The following PCARE variants were observed in gnomAD, a reference collection of about 807,000 sequenced individuals.
The protein encoded by PCARE is photoreceptor cilium actin regulator, also known as uncharacterized protein C2orf71.
A neutral mutation model predicts 82.2 loss-of-function variants in PCARE; 72 were observed. That is an observed-to-expected ratio of 0.88 (90% CI 0.72 to 1.07). The LOEUF (loss-of-function observed/expected upper bound fraction) is 1.07, where lower values mean the gene tolerates loss of function less well. Ranked by LOEUF, PCARE falls within the 50% of genes least tolerant of loss-of-function variation. The pLI, the probability that PCARE is intolerant of heterozygous loss-of-function variation, is 0.00. For missense variants in PCARE, 1,768 were observed against 1,592.4 expected (o/e 1.11, Z -1.88); for synonymous variants, 705 against 634.8 (o/e 1.11, Z -1.66).
In PCARE at chr2:29,072,357, C is replaced by T. The variant is rs763971542; in HGVS notation, c.1905G>A (p.Gly635=). 2 of 1,614,066 alleles carry T rather than the reference C, an allele frequency of 1.2e-6. No homozygotes were observed. The highest frequency in any genetic ancestry group is 1.1e-5 in the South Asian group (1 of 91,074). The change falls in exon 1 of 2, where the codon GGG becomes GGA. Residue 635 remains glycine, a synonymous_variant. Coordinates refer to ENST00000331664, the MANE Select transcript of PCARE (RefSeq NM_001029883.3). ...AFYALGAKGQ[G]QSQEQILQPR... is the part of the protein sequence containing the mutation. ...GCTGCAGAATTTGCTCCTGGCTCTG[C>T]CCCTGCCCTTTGGCACCCAGGGCAT...
At position 29,072,313 on chromosome 2, in the gene PCARE, C is replaced by T. The variant is rs371289954; in HGVS notation, c.1949G>A (p.Trp650Ter). The T allele has an allele frequency of 9.3e-6, 15 of 1,614,066 alleles. No individual in the cohort carries two copies. The highest frequency in any genetic ancestry group is 8.0e-5 in the African/African-American group (6 of 74,942). ...ACTGACCCTGCAGGTGCCATTGGGC[C>T]ACACGGCGGCTGCTCTGGGCTGCAG... Reference protein sequence around the residue: ...QILQPRAAAVWPNGTCRVSPS... With the variant: ...QILQPRAAAV Residue 650 changes from tryptophan to a stop codon, truncating the protein, a stop_gained, in exon 1 of 2, where the codon TGG becomes TAG. Transcript: ENST00000331664. LOFTEE classifies it high-confidence loss of function.
Position 29,072,829 on chromosome 2 carries a change from G to A in PCARE, c.1433C>T (p.Ala478Val). The A allele has an allele frequency of 6.2e-7, 1 of 1,614,166 alleles. No individual in the cohort carries two copies. The highest frequency in any genetic ancestry group is 8.5e-7 in the Non-Finnish European group (1 of 1,180,018). The change falls in exon 1 of 2, where the codon GCT becomes GTT. Residue 478 changes from alanine (A) to valine (V), a missense_variant. Transcript: ENST00000331664. ...GTCCTCGCTGTCACTAAGAGATGAAGCGTCCATCGGCCTGGAGGTTTTGGA... is the reference window on the plus strand; with the variant it reads ...GTCCTCGCTGTCACTAAGAGATGAAACGTCCATCGGCCTGGAGGTTTTGGA... ...HLSKTSRPMDASSLSDSEDSS... is the reference protein window; with the variant it reads ...HLSKTSRPMDVSSLSDSEDSS...
rs755674227 is a variant in PCARE, at chr2:29,071,721, C to T, written c.2541G>A (p.Glu847=). 36 of 1,613,906 alleles carry T rather than the reference C, an allele frequency of 2.2e-5. No homozygotes were observed. In the African/African-American group the frequency reaches 4.3e-4, roughly 19 times the overall value. Reference sequence around the variant, plus strand: ...CTGTGGACTTGCTGCTTTCTGGGGACTCCAGAGAAGCGAATGATTTGTCCA... The same window carrying T: ...CTGTGGACTTGCTGCTTTCTGGGGATTCCAGAGAAGCGAATGATTTGTCCA... ...VLMDKSFASL[E]SPESSKSTEN... is the part of the protein sequence containing the mutation. The change falls in exon 1 of 2, where the codon GAG becomes GAA. Residue 847 remains glutamate, a synonymous_variant. Coordinates refer to ENST00000331664, the MANE Select transcript of PCARE (RefSeq NM_001029883.3).
In PCARE at chr2:29,073,981, G is replaced by A. The variant is rs555955923; in HGVS notation, c.281C>T (p.Pro94Leu). 1 of 1,614,196 alleles carries A rather than the reference G, an allele frequency of 6.2e-7. No individual in the cohort carries two copies. The highest frequency in any genetic ancestry group is 1.3e-5 in the African/African-American group (1 of 75,050). The part of the protein sequence containing the change: ...GKRKDMEGLI[P>L]GTKTSSSQLN... ...CTGGGATGAAGAGGTTTTGGTTCCT[G>A]GGATCAGTCCTTCCATATCTTTCCT... Residue 94 changes from proline to leucine, a missense_variant, in exon 1 of 2, where the codon CCA (proline) becomes CTA (leucine). Pro to Leu is a moderately conservative substitution (Grantham distance 98). Coordinates refer to ENST00000331664, the MANE Select transcript of PCARE (RefSeq NM_001029883.3).
In PCARE at chr2:29,070,928, T is replaced by G. The variant is rs769396261; in HGVS notation, c.3334A>C (p.Ile1112Leu). 1.2e-6 allele frequency: 2 copies of G among 1,613,600 alleles called. No homozygotes were observed. Among genetic ancestry groups the G allele is most frequent in the South Asian group, 2.2e-5 (2 of 91,068 alleles). ...TGTGTGTTCCCAGACACTTTGGCTA[T>G]GACTGCTTGGCTGTCTTCAGAGTCT... ...TRDSEDSQAV[I>L]AKVSGNTHSI... The change falls in exon 1 of 2, where the codon ATA (isoleucine) becomes CTA (leucine). Residue 1112 changes from isoleucine to leucine, a missense_variant. Coordinates refer to ENST00000331664, the MANE Select transcript of PCARE (RefSeq NM_001029883.3).
chr2:29,073,650 G>C lies in PCARE; in HGVS notation c.612C>G (p.Ile204Met), dbSNP rs1280831225. The C allele has an allele frequency of 6.2e-7, 1 of 1,614,086 alleles. No homozygotes were observed. Among genetic ancestry groups the C allele is most frequent in the Non-Finnish European group, 8.5e-7 (1 of 1,180,044 alleles). ...SLSKYEAILCIIHQATQTREL... is the reference protein window; with the variant it reads ...SLSKYEAILCMIHQATQTREL... ...CCCGGGTCTGGGTGGCCTGATGGATGATGCACAGAATTGCTTCATATTTGG... is the reference window on the plus strand; with the variant it reads ...CCCGGGTCTGGGTGGCCTGATGGATCATGCACAGAATTGCTTCATATTTGG... The change falls in exon 1 of 2, where the codon ATC (isoleucine) becomes ATG (methionine). Residue 204 changes from isoleucine to methionine, a missense_variant. Transcript: ENST00000331664.
At position 29,072,126 on chromosome 2, in the gene PCARE, A is replaced by G. The variant is rs1338467727; in HGVS notation, c.2136T>C (p.Ser712=). ...TCCAGTCTGTGGCCTTGGCAGCCTC[A>G]CTGACCTCTCCTGATGGGATGGCAT... ...LPNAIPSGEV[S]EAAKATDWNV... is the part of the protein sequence containing the mutation. The change falls in exon 1 of 2, where the codon AGT becomes AGC. Residue 712 remains serine (S), a synonymous_variant. Transcript: ENST00000331664. The G allele has an allele frequency of 6.2e-7, 1 of 1,613,956 alleles. No individual in the cohort carries two copies. Among genetic ancestry groups the G allele is most frequent in the Admixed American group, 1.7e-5 (1 of 60,028 alleles).
chr2:29,065,109 C>T, intron 1 of PCARE, 42 bp from the exon 2 acceptor site: 2 of 1,538,332 alleles, frequency 1.3e-6, no homozygotes, highest in Non-Finnish European at 1.8e-6. Context: ...CACTCCTCCT[C>T]TGCTGCTCCT....
At position 29,072,933 on chromosome 2, in the gene PCARE, G is replaced by C. The variant is rs764192468; in HGVS notation, c.1329C>G (p.Ile443Met). 6.2e-7 allele frequency: 1 copy of C among 1,614,150 alleles called. No homozygotes were observed. The highest frequency in any genetic ancestry group is 8.5e-7 in the Non-Finnish European group (1 of 1,180,022). Residue 443 changes from isoleucine to methionine, a missense_variant, in exon 1 of 2, where the codon ATC becomes ATG. Transcript: ENST00000331664. ...PCLSSTSPEN[I>M]TSPPLKLGTS... ...TCCCCAGCTTCAAAGGTGGGGAGGTGATATTTTCTGGGCTTGTACTGGAGA... is the reference window on the plus strand; with the variant it reads ...TCCCCAGCTTCAAAGGTGGGGAGGTCATATTTTCTGGGCTTGTACTGGAGA...
In PCARE at chr2:29,072,039, C is replaced by T. The variant is rs373055833; in HGVS notation, c.2223G>A (p.Thr741=). ...VKKLIETFSP[T]ESLRMLGDSK... ...AGTCCCCCAGCATCCTCAGACTCTC[C>T]GTGGGACTGAAAGTTTCAATAAGCT... The change falls in exon 1 of 2, where the codon ACG becomes ACA. Residue 741 remains threonine, a synonymous_variant. Transcript: ENST00000331664. 1.2e-5 allele frequency: 20 copies of T among 1,614,070 alleles called. No homozygotes were observed. The highest frequency in any genetic ancestry group is 5.3e-5 in the African/African-American group (4 of 74,924).
Position 29,072,785 on chromosome 2 carries a change from C to G in PCARE, c.1477G>C (p.Glu493Gln), listed in dbSNP as rs1212677382. The change falls in exon 1 of 2, where the codon GAG (glutamate) becomes CAG (glutamine). Residue 493 changes from glutamate to glutamine, a missense_variant. By Grantham distance (29) the Glu-to-Gln change is conservative. Coordinates refer to ENST00000331664, the MANE Select transcript of PCARE (RefSeq NM_001029883.3). ...DSEDSSPEEE[E>Q]EDKMSSMSLC... The stretch of plus-strand genomic sequence containing the variant: ...CTCATGCTGCTCATTTTGTCTTCCT[C>G]CTCCTCCTCTGGGCTGCTGTCCTCG... 6 of 1,614,012 alleles carry G rather than the reference C, an allele frequency of 3.7e-6. No individual in the cohort carries two copies. In the African/African-American group the frequency reaches 8.0e-5, roughly 22 times the overall value.
intron 1 of PCARE, 65 bp from the exon 2 acceptor site, chr2:29,065,132 C>G (rs536733698): frequency 6.6e-7 from 1 of 1,505,170 alleles, no homozygotes; most frequent in African/African-American, 1.4e-5. Context: ...CTGCCCCACC[C>G]CTGTCCTCCA....
chr2:29,071,463 G>A lies in PCARE; in HGVS notation c.2799C>T (p.Ser933=), dbSNP rs763487014. The part of the protein sequence containing the change: ...DLSSPPATSQ[S]PEVKGGTWSQ... ...TCCAAGTCCCACCCTTCACCTCGGG[G>A]CTTTGGCTGGTGGCTGGTGGGCTGC... Residue 933 remains serine (S), a synonymous_variant, in exon 1 of 2, where the codon AGC becomes AGT. Coordinates refer to ENST00000331664, the MANE Select transcript of PCARE (RefSeq NM_001029883.3). 4 of 1,612,268 alleles carry A rather than the reference G, an allele frequency of 2.5e-6. No individual in the cohort carries two copies. The African/African-American group carries it at 4.0e-5, about 16-fold the overall frequency.
intron 1 of PCARE, 42 bp downstream of exon 1, chr2:29,070,552 G>A (rs1667453469): frequency 1.2e-6 from 2 of 1,612,632 alleles, no homozygotes; most frequent in Non-Finnish European, 1.7e-6. Context: ...TTCCTCTCTA[G>A]TCCAAGCCGC....
In PCARE at chr2:29,072,919, A is replaced by G; in HGVS notation, c.1343T>C (p.Leu448Ser). 1.2e-6 allele frequency: 2 copies of G among 1,614,002 alleles called. No individual in the cohort carries two copies. Among genetic ancestry groups the G allele is most frequent in the South Asian group, 1.1e-5 (1 of 91,066 alleles). ...TSPENITSPP[L>S]KLGTSTPCDS... ...ACATGGGGTGCTTGTCCCCAGCTTC[A>G]AAGGTGGGGAGGTGATATTTTCTGG... The change falls in exon 1 of 2, where the codon TTG becomes TCG. Residue 448 changes from leucine to serine, a missense_variant. By Grantham distance (145) the Leu-to-Ser change is moderately radical (BLOSUM62 -2). Coordinates refer to ENST00000331664, the MANE Select transcript of PCARE (RefSeq NM_001029883.3).
Position 29,073,345 on chromosome 2 carries a change from T to C in PCARE, c.917A>G (p.His306Arg). 6.2e-7 allele frequency: 1 copy of C among 1,613,888 alleles called. No homozygotes were observed. Among genetic ancestry groups the C allele is most frequent in the South Asian group, 1.1e-5 (1 of 91,072 alleles). ...SSSYLHSTAT[H>R]LENKLSTKRN... ...TTTTGTGCTCAGCTTATTTTCCAAGTGGGTTGCAGTGGAGTGGAGGTAGCT... is the reference window on the plus strand; with the variant it reads ...TTTTGTGCTCAGCTTATTTTCCAAGCGGGTTGCAGTGGAGTGGAGGTAGCT... Residue 306 changes from histidine to arginine, a missense_variant, in exon 1 of 2, where the codon CAC becomes CGC. His to Arg is a conservative substitution (Grantham distance 29). Transcript: ENST00000331664.
rs77828062 is a variant in PCARE, at chr2:29,073,522, A to G, written c.740T>C (p.Val247Ala). 2,958 of 1,614,142 alleles carry G rather than the reference A, an allele frequency of 1.8e-3. 41 individuals are homozygous for G. The African/African-American group carries it at 0.033, about 18-fold the overall frequency. Reference sequence around the variant, plus strand: ...CAAAGGCCAAGCCAGATCCTCCCTGACTTCCTGCAGGAGCACTTCTCCATC... The same window carrying G: ...CAAAGGCCAAGCCAGATCCTCCCTGGCTTCCTGCAGGAGCACTTCTCCATC... ...SKDGEVLLQE[V>A]REDLAWPLKK... Residue 247 changes from valine to alanine, a missense_variant, in exon 1 of 2, where the codon GTC (valine) becomes GCC (alanine). Coordinates refer to ENST00000331664, the MANE Select transcript of PCARE (RefSeq NM_001029883.3).
At chr2:29,069,066 C>T (rs190461972) in intron 1 of PCARE, among the ~76,000 whole-genome samples, 120 of 152,266 alleles carry the variant, frequency 7.9e-4, no homozygotes, top group African/African-American at 2.8e-3. Flanking sequence ...GAGAGCCCCG[C>T]GTCTACATGA....
rs753235603 is a variant in PCARE, at chr2:29,071,146, A to C, written c.3116T>G (p.Leu1039Arg). Residue 1039 changes from leucine to arginine, a missense_variant, in exon 1 of 2, where the codon CTA becomes CGA. By Grantham distance (102) the Leu-to-Arg change is moderately radical (BLOSUM62 -2). Coordinates refer to ENST00000331664, the MANE Select transcript of PCARE (RefSeq NM_001029883.3). ...TCGCCGCTTTGTGGTGGGTGGGCTT[A>C]GCACCCTGGGGCTCACAGGTGGGCT... is the stretch of plus-strand genomic sequence containing the variant. Reference protein sequence around the residue: ...PPSPPVSPRVLSPPTTKRRTS... With the variant: ...PPSPPVSPRVRSPPTTKRRTS... The C allele has an allele frequency of 3.8e-6, 6 of 1,581,724 alleles. No individual in the cohort carries two copies. The highest frequency in any genetic ancestry group is 1.8e-4 in the Middle Eastern group (1 of 5,660).
Sources: gnomAD v4.1 joint callset for allele counts (sites outside exome capture counted in the v4.1 genomes callset) on GRCh38, gnomAD v4.1.1 for gene constraint, MANE v1.5 for transcripts, NCBI Gene and HGNC (gene_info 2026-07-23, HGNC 2026-07-21) for gene names.